PRKN: variants seen among roughly 807,000 people sequenced by gnomAD.
PRKN encodes the protein E3 ubiquitin-protein ligase parkin.
In PRKN, 56 loss-of-function variants were observed where a neutral mutation model predicts 59.5. The observed-to-expected ratio is 0.94, with a 90% CI of 0.76 to 1.18. PRKN has a LOEUF of 1.18. Ranked by LOEUF, PRKN falls within the 50% of genes most tolerant of loss-of-function variation. The probability of loss-of-function intolerance (pLI) is 0.00; values close to 1 mark genes in which losing one functional copy is unlikely to be tolerated. For synonymous variants in PRKN, 250 were observed against 222.1 expected (o/e 1.13, Z -1.12); for missense variants, 657 against 596.4 (o/e 1.10, Z -1.06).
intron 1 of PRKN, among the ~76,000 whole-genome samples, chr6:162,554,961 C>T (rs1428253208): frequency 6.6e-6 from 1 of 152,120 alleles, no homozygotes; most frequent in Non-Finnish European, 1.5e-5. Context: ...TGTGCTACAC[C>T]TATTATATAT....
At chr6:161,929,369 T>C (rs1457629151) in intron 6 of PRKN, among the ~76,000 whole-genome samples, 2 of 152,136 alleles carry the variant, frequency 1.3e-5, no homozygotes, top group African/African-American at 4.8e-5. Flanking sequence ...GGAAATGGAC[T>C]AACTGCTTAA....
intron 1 of PRKN, among the ~76,000 whole-genome samples, chr6:162,476,700 AC>A (rs539475376): frequency 2.8e-3 from 431 of 152,236 alleles, no homozygotes; most frequent in Non-Finnish European, 3.5e-3. Context: ...AGATCAGCAA[AC>A]GTGATACCCC....
At chr6:162,180,938 G>A (rs551221942) in intron 4 of PRKN, among the ~76,000 whole-genome samples, 96 of 152,286 alleles carry the variant, frequency 6.3e-4, no homozygotes, top group African/African-American at 2.1e-3. Context: ...TCAGGGAACA[G>A]GCAAAATCCA....
chr6:161,528,507 A>G (rs1310308971), intron 9 of PRKN, among the ~76,000 whole-genome samples: 1 of 152,178 alleles, frequency 6.6e-6, no homozygotes, highest in East Asian at 1.9e-4. Flanking sequence ...TTGAGAAAAG[A>G]TCCTAGAAAT....
At chr6:162,298,625 C>T (rs930538104) in intron 2 of PRKN, among the ~76,000 whole-genome samples, 5 of 145,660 alleles carry the variant, frequency 3.4e-5, no homozygotes, top group Non-Finnish European at 6.0e-5. Flanking sequence ...CACCACCCCC[C>T]ACCCCCCAAC....
intron 7 of PRKN, among the ~76,000 whole-genome samples, chr6:161,670,564 C>T (rs962505031): frequency 6.6e-6 from 1 of 152,156 alleles, no homozygotes; most frequent in Non-Finnish European, 1.5e-5. Context: ...GCCTGTAATC[C>T]CAGCACTTTG....
intron 4 of PRKN, among the ~76,000 whole-genome samples, chr6:162,138,690 G>A (rs1781649606): frequency 6.6e-6 from 1 of 152,086 alleles, no homozygotes; most frequent in African/African-American, 2.4e-5. Context: ...GAGGAGAAAA[G>A]TGAGTGTTGA....
Position 161,525,924 on chromosome 6 carries a change from C to A in PRKN, c.1083+22930G>T, listed in dbSNP as rs1779000906. 2.0e-5 allele frequency among the ~76,000 whole-genome samples: 3 copies of A among 151,976 alleles called. No homozygotes were observed. The highest frequency in any genetic ancestry group is 3.2e-3 in the Middle Eastern group (1 of 316). On this transcript the variant is annotated intron_variant, in intron 9 of 11. Transcript: ENST00000366898. This position sits in a 1 kb window ranked among gnomAD's most constrained non-coding sequence, Gnocchi z 4.7. ...AATATGGGTATCAAATATTTTAAATCTAATTATACCAATGTCTCAAATATA... is the reference window on the plus strand; with the variant it reads ...AATATGGGTATCAAATATTTTAAATATAATTATACCAATGTCTCAAATATA...
chr6:161,581,907 G>A lies in PRKN; in HGVS notation c.872-12491C>T, dbSNP rs1781354388. Among the ~76,000 whole-genome samples the A allele has an allele frequency of 3.3e-5, 5 of 152,174 alleles. No individual in the cohort carries two copies. In the South Asian group the frequency reaches 1.0e-3, roughly 31 times the overall value. ...CAGAGAGCTGAGGACACACATTAAT[G>A]AAACAGTCCACTCTTCACAGTGCTT... is the stretch of plus-strand genomic sequence containing the variant. On this transcript the variant is annotated intron_variant, in intron 7 of 11. Coordinates refer to ENST00000366898, the MANE Select transcript of PRKN (RefSeq NM_004562.3). The surrounding 1 kb of genome is among the most constrained non-coding windows in gnomAD (Gnocchi z 4.5).
chr6:162,663,650 G>C, intron 1 of PRKN, among the ~76,000 whole-genome samples: 1 of 152,194 alleles, frequency 6.6e-6, no homozygotes. Flanking sequence ...GAAAAGAGAC[G>C]ACAAGAGGAG....
chr6:161,542,383 G>A (rs527960), intron 9 of PRKN, among the ~76,000 whole-genome samples: 89,848 of 152,000 alleles, frequency 0.59, 26,977 homozygotes, highest in Middle Eastern at 0.66. Flanking sequence ...TCAAAATCAC[G>A]GAACACTTTC....
chr6:162,658,656 GTCA>G (rs1196852714), intron 1 of PRKN, among the ~76,000 whole-genome samples: 1 of 44,906 alleles, frequency 2.2e-5, no homozygotes, highest in Admixed American at 4.3e-4. Flanking sequence ...GTGAGACTCT[GTCA>G]AAAAAAAAAA....
chr6:162,618,857 T>C (rs1383358826), intron 1 of PRKN, among the ~76,000 whole-genome samples: 1 of 152,214 alleles, frequency 6.6e-6, no homozygotes, highest in Non-Finnish European at 1.5e-5. Context: ...CAACACATTG[T>C]GTCCGAAATG....
chr6:162,684,977 G>A (rs537774565), intron 1 of PRKN, among the ~76,000 whole-genome samples: 3 of 151,910 alleles, frequency 2.0e-5, no homozygotes, highest in South Asian at 2.1e-4. Flanking sequence ...ACATGTTTAC[G>A]GTGTAAAAAA....
At chr6:162,009,347 G>A (rs375625159) in intron 5 of PRKN, among the ~76,000 whole-genome samples, 19 of 146,952 alleles carry the variant, frequency 1.3e-4, no homozygotes, top group Non-Finnish European at 2.4e-4. Context: ...TGGGAAAAAT[G>A]GAAATCAAAG....
chr6:162,627,780 A>G lies in PRKN; in HGVS notation c.7+99882T>C, dbSNP rs556258330. On this transcript the variant is annotated intron_variant, in intron 1 of 11. Transcript: ENST00000366898. ...TGGGCATATTAACCAATAACAATGGAGCAACTAGAGATGATCAGTGGGCAG... is the reference window on the plus strand; with the variant it reads ...TGGGCATATTAACCAATAACAATGGGGCAACTAGAGATGATCAGTGGGCAG... Among the ~76,000 whole-genome samples, 3 of 152,312 alleles carry G rather than the reference A, an allele frequency of 2.0e-5. No individual in the cohort carries two copies. In the East Asian group the frequency reaches 5.8e-4, roughly 29 times the overall value.
At chr6:162,356,530 A>G (rs958556258) in intron 2 of PRKN, among the ~76,000 whole-genome samples, 1 of 139,902 alleles carries the variant, frequency 7.1e-6, no homozygotes, top group African/African-American at 2.8e-5. Context: ...TCTAATATAT[A>G]ATACATTTTT....
chr6:162,052,362 T>G (rs897666760), intron 5 of PRKN, among the ~76,000 whole-genome samples: 4 of 152,174 alleles, frequency 2.6e-5, no homozygotes, highest in Non-Finnish European at 5.9e-5. Flanking sequence ...TTTTTAATCT[T>G]TTATTTTTTA....
At position 161,388,194 on chromosome 6, in the gene PRKN, G is replaced by T. The variant is rs1321798345; in HGVS notation, c.1084-1317C>A. Among the ~76,000 whole-genome samples the T allele has an allele frequency of 6.6e-6, 1 of 152,118 alleles. No homozygotes were observed. The highest frequency in any genetic ancestry group is 1.5e-5 in the Non-Finnish European group (1 of 68,026). The stretch of plus-strand genomic sequence containing the variant: ...TGAAACACCTTGGGAAAGCCACCTT[G>T]GTTTCTGTGCCTTGGTTTCCACCTT... On this transcript the variant is annotated intron_variant, in intron 9 of 11. Coordinates refer to ENST00000366898, the MANE Select transcript of PRKN (RefSeq NM_004562.3). This position sits in a 1 kb window ranked among gnomAD's most constrained non-coding sequence, Gnocchi z 4.3.
Sources: gnomAD v4.1 joint callset for allele counts (sites outside exome capture counted in the v4.1 genomes callset) on GRCh38, gnomAD v4.1.1 for gene constraint, Gnocchi (gnomAD v3.1) non-coding constraint, MANE v1.5 for transcripts, NCBI Gene and HGNC (gene_info 2026-07-23, HGNC 2026-07-21) for gene names.